TMEM165: variants seen among roughly 807,000 people sequenced by gnomAD.
TMEM165 encodes transmembrane protein 165, also known as putative divalent cation/proton antiporter TMEM165.
A neutral mutation model predicts 30.0 loss-of-function variants in TMEM165; 19 were observed. The ratio of observed to expected loss-of-function variants is 0.63; its 90% CI spans 0.44 to 0.93. The LOEUF (loss-of-function observed/expected upper bound fraction) is 0.93. TMEM165 is among the 40% of genes least tolerant of loss of function. The probability of loss-of-function intolerance (pLI) is 0.00; values close to 1 mark genes in which losing one functional copy is unlikely to be tolerated. For missense variants in TMEM165, 340 were observed against 417.0 expected (o/e 0.82, Z 1.61); for synonymous variants, 168 against 162.9 (o/e 1.03, Z -0.24).
At chr4:55,417,031 TACAC>T (rs1160185833) in intron 2 of TMEM165, 37 bp from the exon 3 acceptor site, 2 of 1,519,728 alleles carry the variant, frequency 1.3e-6, no homozygotes, top group African/African-American at 2.8e-5. Context: ...TTGGTCGTGA[TACAC>T]ACTCGATTAA....
chr4:55,434,258 A>G (rs1273464180), intron 3 of TMEM165: 1 of 152,658 alleles, frequency 6.6e-6, no homozygotes, highest in African/African-American at 2.4e-5. Context: ...TCTGACTAAA[A>G]GAAGCATTGA....
intron 4 of TMEM165, chr4:55,423,784 T>TGAG (rs2109564993): frequency 6.6e-6 from 1 of 152,468 alleles, no homozygotes; most frequent in South Asian, 2.1e-4. Context: ...AACAAGTGTC[T>TGAG]GAGGACACAG....
chr4:55,400,271 T>G (rs1423084838), intron 1 of TMEM165, among the ~76,000 whole-genome samples: 3 of 43,180 alleles, frequency 6.9e-5, no homozygotes, highest in Admixed American at 3.5e-4. Context: ...ATATAATATA[T>G]AATATAATAT....
At chr4:55,404,294 C>T (rs1336561579) in intron 1 of TMEM165, among the ~76,000 whole-genome samples, 3 of 151,874 alleles carry the variant, frequency 2.0e-5, no homozygotes, top group Non-Finnish European at 4.4e-5. Flanking sequence ...GGATGACAGG[C>T]GTGAGCCACC....
Position 55,425,673 on chromosome 4 carries a change from A to C in TMEM165, c.*221A>C. ...CTAAGTGTGGGTTTTTCTTCTCTCC[A>C]ACATAATTATGTTAATATGGTCCTC... On this transcript the variant is annotated 3_prime_UTR_variant, in exon 6 of 6. Coordinates refer to ENST00000381334, the MANE Select transcript of TMEM165 (RefSeq NM_018475.5). 4.4e-6 allele frequency: 2 copies of C among 457,740 alleles called. No homozygotes were observed. Among genetic ancestry groups the C allele is most frequent in the South Asian group, 6.0e-5 (2 of 33,528 alleles). The allele number at this position is 457,740 out of a possible 1,614,324, so 28.4% of individuals were successfully genotyped here. A position where few individuals can be genotyped will look rare whatever the true frequency, so the allele number is the denominator to read the frequency against.
intron 3 of TMEM165, among the ~76,000 whole-genome samples, chr4:55,440,507 T>A (rs1723276630): frequency 6.6e-6 from 1 of 152,194 alleles, no homozygotes; most frequent in Admixed American, 6.5e-5. Context: ...ACAAACTGTT[T>A]ATGTAACAAT....
downstream of TMEM165, among the ~76,000 whole-genome samples, chr4:55,426,692 G>GC (rs1722215758): frequency 6.6e-6 from 1 of 152,192 alleles, no homozygotes; most frequent in South Asian, 2.1e-4. Context: ...AGGTTTATGA[G>GC]CTACTACAAA....
At chr4:55,421,947 A>G (rs1463053018) in intron 4 of TMEM165, among the ~76,000 whole-genome samples, 3 of 151,514 alleles carry the variant, frequency 2.0e-5, no homozygotes, top group Admixed American at 6.6e-5. Context: ...TCAATTGTAC[A>G]TCGCAAATCC....
chr4:55,451,222 GTTC>G (rs1473653468), intron 3 of TMEM165, among the ~76,000 whole-genome samples: 7 of 152,118 alleles, frequency 4.6e-5, no homozygotes, highest in South Asian at 2.1e-4. Context: ...CACAAAATCT[GTTC>G]TTATTGATCA....
chr4:55,401,275 A>G (rs1199640492), intron 1 of TMEM165, among the ~76,000 whole-genome samples: 4 of 150,890 alleles, frequency 2.7e-5, no homozygotes, highest in Admixed American at 1.3e-4. Context: ...TTACAAACCC[A>G]TGATAAAAAG....
chr4:55,414,253 GA>G (rs1465358061), intron 2 of TMEM165, among the ~76,000 whole-genome samples: 1 of 149,410 alleles, frequency 6.7e-6, no homozygotes, highest in East Asian at 2.0e-4. Context: ...CTGGGCGACA[GA>G]GTGAGACTCC....
intron 1 of TMEM165, among the ~76,000 whole-genome samples, chr4:55,399,759 T>C (rs1433787740): frequency 6.6e-6 from 1 of 152,092 alleles, no homozygotes; most frequent in African/African-American, 2.4e-5. Flanking sequence ...CAAGGTCTTC[T>C]TATAGCTCAT....
At chr4:55,444,931 C>T (rs1339525446) in intron 3 of TMEM165, 1 of 856,898 alleles carries the variant, frequency 1.2e-6, no homozygotes, top group Non-Finnish European at 1.8e-6. Flanking sequence ...CTAATCCACC[C>T]ATCTTTGCTC....
intron 3 of TMEM165, among the ~76,000 whole-genome samples, chr4:55,442,043 T>G (rs1280526571): frequency 6.6e-6 from 1 of 152,152 alleles, no homozygotes; most frequent in African/African-American, 2.4e-5. Context: ...GATAATATAT[T>G]TTGAGCATTT....
At chr4:55,445,900 T>C (rs1051675683) in intron 3 of TMEM165, among the ~76,000 whole-genome samples, 2 of 152,060 alleles carry the variant, frequency 1.3e-5, no homozygotes, top group Non-Finnish European at 2.9e-5. Flanking sequence ...CCAGCTTTAT[T>C]CCTATATTCT....
chr4:55,415,396 T>TTCTA (rs1215013548), intron 2 of TMEM165: 1 of 152,182 alleles, frequency 6.6e-6, no homozygotes, highest in Non-Finnish European at 1.5e-5. Flanking sequence ...GCTCCTCACT[T>TTCTA]TCTAGTACAA....
At chr4:55,428,298 AAAAACAAGTGT>A (rs1358740126), downstream of TMEM165, 1 of 152,212 alleles carries the variant, frequency 6.6e-6, no homozygotes, top group Non-Finnish European at 1.5e-5. Context: ...GATAGCTTTG[AAAAACAAGTGT>A]AACCAATTGT....
Position 55,411,626 on chromosome 4 carries a change from C to A in TMEM165, c.220C>A (p.Pro74Thr). 1.2e-6 allele frequency: 2 copies of A among 1,610,416 alleles called. No individual in the cohort carries two copies. Among genetic ancestry groups the A allele is most frequent in the Admixed American group, 1.7e-5 (1 of 59,244 alleles). The change falls in exon 2 of 6, where the codon CCA (proline) becomes ACA (threonine). Residue 74 changes from proline (P) to threonine (T), a missense_variant. By Grantham distance (38) the Pro-to-Thr change is conservative. Transcript: ENST00000381334. Reference protein sequence around the residue: ...EPARVEKIFTPAAPVHTNKED... With the variant: ...EPARVEKIFTTAAPVHTNKED... ...TTTTTTTTTCCAGAAAATATTTACACCAGCAGCTCCAGTTCATACCAATAA... is the reference window on the plus strand; with the variant it reads ...TTTTTTTTTCCAGAAAATATTTACAACAGCAGCTCCAGTTCATACCAATAA...
chr4:55,405,124 C>G (rs1721219209), intron 1 of TMEM165, among the ~76,000 whole-genome samples: 1 of 152,046 alleles, frequency 6.6e-6, no homozygotes, highest in African/African-American at 2.4e-5. Flanking sequence ...TATCTCTTTG[C>G]CTTATCTGTT....
Sources: allele counts gnomAD v4.1 joint callset (sites outside exome capture counted in the v4.1 genomes callset), GRCh38; gene constraint gnomAD v4.1.1; transcripts MANE v1.5; gene names NCBI Gene and HGNC (gene_info 2026-07-23, HGNC 2026-07-21).